Variants in SLC35F3 observed in about 807,000 individuals in gnomAD.
SLC35F3 encodes putative thiamine transporter SLC35F3.
A neutral mutation model predicts 49.9 loss-of-function variants in SLC35F3; 25 were observed. The ratio of observed to expected loss-of-function variants is 0.50; its 90% CI spans 0.37 to 0.70. The LOEUF is 0.70. Ranked by LOEUF, SLC35F3 falls within the 30% of genes least tolerant of loss-of-function variation. The pLI is 0.00. For synonymous variants in SLC35F3, 275 were observed against 265.4 expected, an observed-to-expected ratio of 1.04 and a Z score of -0.35; for missense variants, 525 against 639.8, an observed-to-expected ratio of 0.82 and a Z score of 1.94.
intron 3 of SLC35F3, 73 bp from the exon 4 acceptor site, chr1:234,309,028 A>G (rs1445594050): frequency 7.8e-7 from 1 of 1,289,444 alleles, no homozygotes; most frequent in Non-Finnish European, 1.1e-6. Context: ...AAAAAAAAAA[A>G]CTTGCTATAG....
intron 2 of SLC35F3, among the ~76,000 whole-genome samples, chr1:233,909,150 C>G (rs1172813352): frequency 6.6e-6 from 1 of 152,230 alleles, no homozygotes; most frequent in Non-Finnish European, 1.5e-5. Context: ...AGCCACCGCA[C>G]CCAGCCTAGG....
At chr1:234,129,347 A>G (rs1252780884) in intron 2 of SLC35F3, among the ~76,000 whole-genome samples, 1 of 152,260 alleles carries the variant, frequency 6.6e-6, no homozygotes. Flanking sequence ...AATAGACTCA[A>G]AAACACCAAA....
Position 234,288,023 on chromosome 1 carries a change from A to C in SLC35F3, c.609-21078A>C, listed in dbSNP as rs192121616. On this transcript the variant is annotated intron_variant, in intron 3 of 7. Transcript: ENST00000366618. ...TGCCTCAGCCCCCCAAGTATCTAGG[A>C]CTACAGGTGTGCATCACCACACCTC... 4.2e-4 allele frequency among the ~76,000 whole-genome samples: 64 copies of C among 152,222 alleles called. 1 individual carries two copies. The South Asian group carries it at 0.012, about 28-fold the overall frequency.
chr1:234,195,397 C>T (rs1354563366), intron 2 of SLC35F3, among the ~76,000 whole-genome samples: 1 of 152,164 alleles, frequency 6.6e-6, no homozygotes, highest in South Asian at 2.1e-4. Context: ...TATTTGCCCC[C>T]CTTCCAAATC....
intron 2 of SLC35F3, among the ~76,000 whole-genome samples, chr1:234,150,373 T>C (rs1367327959): frequency 3.3e-5 from 5 of 151,178 alleles, no homozygotes; most frequent in Non-Finnish European, 7.4e-5. Flanking sequence ...GGTGACTGTG[T>C]CTTTCTCTGG....
chr1:234,127,794 T>C (rs144146013), intron 2 of SLC35F3, among the ~76,000 whole-genome samples: 4 of 152,228 alleles, frequency 2.6e-5, no homozygotes, highest in Non-Finnish European at 2.9e-5. Flanking sequence ...ATGATAATGT[T>C]CCCCTTTAGC....
chr1:233,912,189 C>T (rs1661884810), intron 2 of SLC35F3, among the ~76,000 whole-genome samples: 1 of 152,094 alleles, frequency 6.6e-6, no homozygotes, highest in South Asian at 2.1e-4. Flanking sequence ...TGCTATGAGC[C>T]TCTAGTTTCG....
chr1:233,949,820 G>C (rs1426272040), intron 2 of SLC35F3, among the ~76,000 whole-genome samples: 1 of 152,132 alleles, frequency 6.6e-6, no homozygotes, highest in Non-Finnish European at 1.5e-5. Flanking sequence ...CCAAGCTAAT[G>C]CTCTTGGTGG....
At chr1:233,985,303 G>A (rs1164010170) in intron 2 of SLC35F3, among the ~76,000 whole-genome samples, 1 of 152,184 alleles carries the variant, frequency 6.6e-6, no homozygotes, top group Admixed American at 6.5e-5. Flanking sequence ...ATTGAACAGA[G>A]CAAAACTTGT....
intron 2 of SLC35F3, among the ~76,000 whole-genome samples, chr1:234,017,799 A>G (rs1663827247): frequency 6.6e-6 from 1 of 151,322 alleles, no homozygotes. Flanking sequence ...AATGGCAAAA[A>G]CCGTGATTAC....
chr1:234,209,217 C>G (rs1463337159), intron 2 of SLC35F3, among the ~76,000 whole-genome samples: 1 of 152,102 alleles, frequency 6.6e-6, no homozygotes, highest in East Asian at 1.9e-4. Context: ...GGGGTCTCAG[C>G]TCTCTTTTTT....
chr1:234,058,674 A>G (rs184388299), intron 2 of SLC35F3, among the ~76,000 whole-genome samples: 1 of 152,156 alleles, frequency 6.6e-6, no homozygotes, highest in Non-Finnish European at 1.5e-5. Context: ...TATTTTATCG[A>G]GAATTTTTGC....
Position 234,231,312 on chromosome 1 carries a change from G to A in SLC35F3, c.284-105G>A, listed in dbSNP as rs367715474. ...CCGCCCCTGCACCCGCTATCTCCCC[G>A]GGCCCCCAGGTAGCTGGTGGTGACA... On this transcript the variant is annotated intron_variant, in intron 2 of 7. Transcript: ENST00000366618. The surrounding 1 kb of genome is among the most constrained non-coding windows in gnomAD (Gnocchi z 5.4). 4.2e-5 allele frequency: 42 copies of A among 989,108 alleles called. No homozygotes were observed. Among genetic ancestry groups the A allele is most frequent in the East Asian group, 1.9e-4 (7 of 36,900 alleles). The allele number at this position is 989,108 out of a possible 1,614,324, so 61.3% of individuals were successfully genotyped here.
At chr1:233,931,334 A>C (rs1662238737) in intron 2 of SLC35F3, among the ~76,000 whole-genome samples, 1 of 152,222 alleles carries the variant, frequency 6.6e-6, no homozygotes, top group South Asian at 2.1e-4. Flanking sequence ...AGAAACTATC[A>C]TCAGAGTGAA....
chr1:233,990,288 T>C (rs1663332361), intron 2 of SLC35F3, among the ~76,000 whole-genome samples: 1 of 152,200 alleles, frequency 6.6e-6, no homozygotes, highest in African/African-American at 2.4e-5. Flanking sequence ...TTTTAGTGTT[T>C]GGAGTGTATG....
chr1:234,004,219 A>G (rs1239772817), intron 2 of SLC35F3, among the ~76,000 whole-genome samples: 1 of 152,234 alleles, frequency 6.6e-6, no homozygotes, highest in Non-Finnish European at 1.5e-5. Context: ...AGAAGGATGT[A>G]TAAATAAAAT....
intron 2 of SLC35F3, among the ~76,000 whole-genome samples, chr1:234,080,899 G>T (rs945243624): frequency 6.6e-6 from 1 of 152,164 alleles, no homozygotes; most frequent in East Asian, 1.9e-4. Flanking sequence ...TTAAGATGGT[G>T]AGTTTTATGT....
At chr1:234,250,100 A>G (rs1026450674) in intron 3 of SLC35F3, among the ~76,000 whole-genome samples, 7 of 152,236 alleles carry the variant, frequency 4.6e-5, no homozygotes, top group African/African-American at 1.7e-4. Context: ...TCCACTGAAT[A>G]TAACACCTGT....
At chr1:234,216,853 AT>A (rs1157728255) in intron 2 of SLC35F3, among the ~76,000 whole-genome samples, 1 of 152,134 alleles carries the variant, frequency 6.6e-6, no homozygotes, top group Non-Finnish European at 1.5e-5. Flanking sequence ...CCCCAGTTGC[AT>A]TTTTCGTGGG....
Sources: allele counts gnomAD v4.1 joint callset (sites outside exome capture counted in the v4.1 genomes callset), GRCh38; gene constraint gnomAD v4.1.1; non-coding constraint Gnocchi (gnomAD v3.1); transcripts MANE v1.5; gene names NCBI Gene and HGNC (gene_info 2026-07-23, HGNC 2026-07-21).